Variants in MEGF11 observed in about 807,000 individuals in gnomAD.
MEGF11 encodes the protein multiple EGF like domains 11, also known as multiple epidermal growth factor-like domains protein 11.
MEGF11 carries 126 observed loss-of-function variants against 146.6 expected under a neutral mutation model. The observed-to-expected ratio is 0.86, with a 90% CI of 0.74 to 1.00. The LOEUF (loss-of-function observed/expected upper bound fraction) is 1.00, where lower values mean the gene tolerates loss of function less well. MEGF11 is among the 50% of genes least tolerant of loss of function. MEGF11 has a pLI of 0.00. For missense variants in MEGF11, 1,509 were observed against 1,521.2 expected (o/e 0.99, Z 0.13); for synonymous variants, 532 against 583.4 (o/e 0.91, Z 1.27).
Position 66,252,307 on chromosome 15 carries a change from C to A in MEGF11, c.-9+1298G>T, listed in dbSNP as rs144962623. Among the ~76,000 whole-genome samples the A allele has an allele frequency of 4.8e-3, 672 of 139,418 alleles. 7 individuals are homozygous for A. Among genetic ancestry groups the A allele is most frequent in the South Asian group, 0.038 (163 of 4,270 alleles). The allele number at this position is 139,418 out of a possible 152,430, so 91.5% of individuals were successfully genotyped here. On this transcript the variant is annotated intron_variant, in intron 1 of 25. Coordinates refer to ENST00000395614, the MANE Select transcript of MEGF11 (RefSeq NM_001385028.1). ...CGCCGGAGGGGCGCTGGTGCCGGGG[C>A]GCGAGGACCCCTGCCCAAGGGAGCC...
chr15:66,148,136 A>G (rs1221405593), intron 1 of MEGF11, among the ~76,000 whole-genome samples: 1 of 152,198 alleles, frequency 6.6e-6, no homozygotes, highest in African/African-American at 2.4e-5. Context: ...GTGTGTCTGT[A>G]TATGGCTCTT....
At chr15:66,202,394 C>G (rs775832688) in intron 1 of MEGF11, among the ~76,000 whole-genome samples, 1 of 152,180 alleles carries the variant, frequency 6.6e-6, no homozygotes, top group Non-Finnish European at 1.5e-5. Flanking sequence ...GGCATGACGG[C>G]CCTCCATGCT....
chr15:66,002,405 T>A (rs1567197408), intron 5 of MEGF11, among the ~76,000 whole-genome samples: 2 of 152,060 alleles, frequency 1.3e-5, no homozygotes, highest in Non-Finnish European at 2.9e-5. Flanking sequence ...CCCAGACAAG[T>A]TTTTGCCTCA....
At chr15:66,185,677 G>A (rs949838493) in intron 1 of MEGF11, among the ~76,000 whole-genome samples, 12 of 152,154 alleles carry the variant, frequency 7.9e-5, no homozygotes, top group Non-Finnish European at 1.6e-4. Flanking sequence ...GGTAGGGGAG[G>A]TGTCAGGCAG....
intron 5 of MEGF11, among the ~76,000 whole-genome samples, chr15:66,070,611 G>A (rs936960815): frequency 5.3e-5 from 8 of 152,244 alleles, no homozygotes; most frequent in African/African-American, 1.7e-4. Context: ...CAAATCTGCA[G>A]AGCTAGATAG....
At chr15:66,101,705 C>T (rs898035531) in intron 4 of MEGF11, among the ~76,000 whole-genome samples, 1 of 152,248 alleles carries the variant, frequency 6.6e-6, no homozygotes, top group Non-Finnish European at 1.5e-5. Context: ...GGCTCCCTCT[C>T]CTCTCATCAG....
At chr15:66,144,779 G>A (rs1461672273) in intron 1 of MEGF11, among the ~76,000 whole-genome samples, 1 of 152,186 alleles carries the variant, frequency 6.6e-6, no homozygotes, top group East Asian at 1.9e-4. Context: ...ACCTCTGCAG[G>A]CAGGTGCCGT....
chr15:65,998,833 G>A (rs933366033), intron 5 of MEGF11, among the ~76,000 whole-genome samples: 8 of 152,140 alleles, frequency 5.3e-5, no homozygotes, highest in South Asian at 2.1e-4. Flanking sequence ...GACCTCAGGC[G>A]TGGCCCACAG....
chr15:65,940,085 T>C (rs1358066494), intron 10 of MEGF11, among the ~76,000 whole-genome samples: 1 of 152,028 alleles, frequency 6.6e-6, no homozygotes, highest in African/African-American at 2.4e-5. Context: ...GTCTAGTGGC[T>C]AGACGGGGTG....
At chr15:66,235,520 A>G (rs947186038) in intron 1 of MEGF11, among the ~76,000 whole-genome samples, 42 of 151,452 alleles carry the variant, frequency 2.8e-4, no homozygotes, top group Non-Finnish European at 4.1e-4. Context: ...AAAAAAGGTC[A>G]AAATCTGTAA....
At chr15:65,911,311 A>G (rs1221431969) in intron 21 of MEGF11, among the ~76,000 whole-genome samples, 1 of 152,256 alleles carries the variant, frequency 6.6e-6, no homozygotes, top group African/African-American at 2.4e-5. Flanking sequence ...TAAAAGAAAC[A>G]TTGTGAGGTG....
intron 1 of MEGF11, among the ~76,000 whole-genome samples, chr15:66,134,187 A>G (rs948465891): frequency 1.3e-5 from 2 of 152,122 alleles, no homozygotes; most frequent in Admixed American, 6.5e-5. Context: ...GGAGCAGAGC[A>G]GTAGAAACCG....
chr15:65,940,074 T>C (rs1348498905), intron 10 of MEGF11, among the ~76,000 whole-genome samples: 3 of 152,066 alleles, frequency 2.0e-5, no homozygotes, highest in Admixed American at 6.5e-5. Context: ...TTGTCAGTAA[T>C]GTCTAGTGGC....
At chr15:66,218,710 G>A (rs1034796176) in intron 1 of MEGF11, among the ~76,000 whole-genome samples, 6 of 152,012 alleles carry the variant, frequency 3.9e-5, no homozygotes, top group African/African-American at 1.5e-4. Context: ...GGGAAGCCAG[G>A]GCCTGTTTTG....
At chr15:66,102,809 A>G (rs929494771) in intron 4 of MEGF11, among the ~76,000 whole-genome samples, 1 of 152,136 alleles carries the variant, frequency 6.6e-6, no homozygotes, top group Admixed American at 6.5e-5. Flanking sequence ...TTATACACCC[A>G]GGGTTCCTTC....
intron 8 of MEGF11, among the ~76,000 whole-genome samples, chr15:65,968,549 C>A (rs1158443247): frequency 1.3e-5 from 2 of 152,120 alleles, no homozygotes; most frequent in African/African-American, 4.8e-5. Flanking sequence ...CAACCTAATT[C>A]ATTTACTTAA....
At chr15:66,055,549 G>T (rs1944404852) in intron 5 of MEGF11, among the ~76,000 whole-genome samples, 1 of 152,194 alleles carries the variant, frequency 6.6e-6, no homozygotes, top group Admixed American at 6.5e-5. Flanking sequence ...AGCCTCTTTG[G>T]TTCTATGTAT....
At chr15:66,088,480 C>A (rs770107274) in intron 5 of MEGF11, among the ~76,000 whole-genome samples, 1 of 152,100 alleles carries the variant, frequency 6.6e-6, no homozygotes, top group African/African-American at 2.4e-5. Context: ...GGTGAAACCC[C>A]GTCTCTACTA....
intron 1 of MEGF11, among the ~76,000 whole-genome samples, chr15:66,139,455 ACT>A (rs532673786): frequency 1.3e-3 from 202 of 152,158 alleles, no homozygotes; most frequent in Non-Finnish European, 2.5e-3. Context: ...TTACACAAAG[ACT>A]CTGTCATGGG....
Sources: gnomAD v4.1 joint callset for allele counts (sites outside exome capture counted in the v4.1 genomes callset) on GRCh38, gnomAD v4.1.1 for gene constraint, MANE v1.5 for transcripts, NCBI Gene and HGNC (gene_info 2026-07-23, HGNC 2026-07-21) for gene names.